Variants in RBPMS2 observed in about 807,000 individuals in gnomAD.
The protein encoded by RBPMS2 is RNA-binding protein with multiple splicing 2.
A neutral mutation model predicts 25.7 loss-of-function variants in RBPMS2; 14 were observed. The observed-to-expected ratio is 0.55, with a 90% CI of 0.36 to 0.85. The LOEUF is 0.85. Among genes scored for constraint, RBPMS2 ranks in the 40% least tolerant of loss-of-function variants. RBPMS2 has a pLI of 0.01. For synonymous variants in RBPMS2, 127 were observed against 115.6 expected (o/e 1.10, Z -0.63); for missense variants, 252 against 283.4 (o/e 0.89, Z 0.80).
intron 2 of RBPMS2, 25 bp downstream of exon 2, chr15:64,751,536 A>AG: frequency 6.2e-7 from 1 of 1,604,406 alleles, no homozygotes; most frequent in Non-Finnish European, 8.5e-7. Context: ...GGCTCTACCC[A>AG]GGGGGCGGCT....
At chr15:64,757,022 G>C (rs900965049) in intron 1 of RBPMS2, among the ~76,000 whole-genome samples, 7 of 139,114 alleles carry the variant, frequency 5.0e-5, no homozygotes, top group African/African-American at 1.6e-4. Context: ...TCCCAGGCTA[G>C]AGTGCAGTGG....
intron 1 of RBPMS2, among the ~76,000 whole-genome samples, chr15:64,758,685 C>G (rs138574108): frequency 0.013 from 1,919 of 152,058 alleles, 30 homozygotes; most frequent in African/African-American, 0.045. Flanking sequence ...GCTTTGGAGG[C>G]ACCCAGAGCT....
At chr15:64,766,980 C>T (rs1053118198) in intron 1 of RBPMS2, among the ~76,000 whole-genome samples, 1 of 152,172 alleles carries the variant, frequency 6.6e-6, no homozygotes, top group Non-Finnish European at 1.5e-5. Context: ...GATGGGGTTT[C>T]ACCACATTGC....
At position 64,740,681 on chromosome 15, in the gene RBPMS2, C is replaced by T. The variant is rs991444024; in HGVS notation, c.*327G>A. ...TGCAAAATTAAACACCTCACTTCCT[C>T]GAGGGGGAGCTACAGAAGCAAGTTT... On this transcript the variant is annotated 3_prime_UTR_variant, in exon 8 of 8. Coordinates refer to ENST00000300069, the MANE Select transcript of RBPMS2 (RefSeq NM_194272.3). 1.9e-5 allele frequency: 3 copies of T among 158,508 alleles called. No homozygotes were observed. Among genetic ancestry groups the T allele is most frequent in the Non-Finnish European group, 2.8e-5 (2 of 71,360 alleles). The allele number at this position is 158,508 out of a possible 1,614,324, so 9.8% of individuals were successfully genotyped here. A position where few individuals can be genotyped will look rare whatever the true frequency, so the allele number is the denominator to read the frequency against.
chr15:64,751,284 G>A (rs866060272), intron 2 of RBPMS2, among the ~76,000 whole-genome samples: 57 of 149,896 alleles, frequency 3.8e-4, no homozygotes, highest in African/African-American at 1.3e-3. Context: ...AGTGAGCCGA[G>A]ATCAAGCCAC....
At chr15:64,761,996 C>G (rs557899173) in intron 1 of RBPMS2, among the ~76,000 whole-genome samples, 1 of 152,104 alleles carries the variant, frequency 6.6e-6, no homozygotes, top group East Asian at 1.9e-4. Context: ...AAGCATGAGC[C>G]ACTGTGCCCA....
chr15:64,774,766 G>T (rs1054119538), intron 1 of RBPMS2, among the ~76,000 whole-genome samples: 1 of 106,974 alleles, frequency 9.3e-6, no homozygotes, highest in Non-Finnish European at 2.1e-5. Flanking sequence ...GTCACGGGGA[G>T]GGGGTCAGGG....
chr15:64,741,950 G>A (rs2083566237), intron 6 of RBPMS2, among the ~76,000 whole-genome samples: 1 of 152,192 alleles, frequency 6.6e-6, no homozygotes, highest in Non-Finnish European at 1.5e-5. Flanking sequence ...CGGACCACCT[G>A]AGGTTCAGAG....
chr15:64,756,381 G>A (rs2083731271), intron 1 of RBPMS2, among the ~76,000 whole-genome samples: 1 of 152,002 alleles, frequency 6.6e-6, no homozygotes, highest in Non-Finnish European at 1.5e-5. Context: ...TGGGTGTGGT[G>A]GCGCACACCT....
intron 6 of RBPMS2, among the ~76,000 whole-genome samples, chr15:64,744,793 GTTTTGTTTTTTTTTTTTTTTTTTTT>G (rs2083600968): frequency 3.5e-5 from 2 of 57,796 alleles, no homozygotes; most frequent in African/African-American, 1.7e-4. Context: ...TTTTTGGTTT[GTTTTGTTTTTTTTTTTTTTTTTTTT>G]TTTTTTTTTT....
At chr15:64,769,361 T>G (rs987097861) in intron 1 of RBPMS2, among the ~76,000 whole-genome samples, 10 of 148,198 alleles carry the variant, frequency 6.7e-5, no homozygotes, top group Non-Finnish European at 1.3e-4. Context: ...GAGGTGGAGG[T>G]TGCGGTGAGC....
chr15:64,742,553 C>T (rs1010992242), intron 6 of RBPMS2, among the ~76,000 whole-genome samples: 4 of 152,200 alleles, frequency 2.6e-5, no homozygotes, highest in South Asian at 4.1e-4. Context: ...CTGCCAAGAC[C>T]GCAGGGAAGG....
intron 1 of RBPMS2, 138 bp from the exon 2 acceptor site, chr15:64,751,776 C>CA (rs2141061823): frequency 1.6e-6 from 1 of 637,876 alleles, no homozygotes; most frequent in Admixed American, 2.7e-5. Flanking sequence ...CTTGGATACC[C>CA]AAGGCAAATT....
intron 6 of RBPMS2, among the ~76,000 whole-genome samples, chr15:64,742,828 A>C (rs2083575443): frequency 6.6e-6 from 1 of 152,112 alleles, no homozygotes. Context: ...GGCTGCTGGG[A>C]ACTCCTGCTT....
In RBPMS2 at chr15:64,775,324, C is replaced by A; in HGVS notation, c.-5G>T. The stretch of plus-strand genomic sequence containing the variant: ...GTCCGGCTTCAGGTTGCTCATGGTG[C>A]GGGGGAGGGGGCGGCGGGAAGGAAC... On this transcript the variant is annotated 5_prime_UTR_variant, in exon 1 of 8. Coordinates refer to ENST00000300069, the MANE Select transcript of RBPMS2 (RefSeq NM_194272.3). The A allele has an allele frequency of 3.1e-6, 4 of 1,292,334 alleles. No individual in the cohort carries two copies. Among genetic ancestry groups the A allele is most frequent in the Non-Finnish European group, 2.0e-6 (2 of 1,013,952 alleles). 80.1% of individuals were successfully genotyped at this position (1,292,334 alleles called of 1,614,324 possible). A position where few individuals can be genotyped will look rare whatever the true frequency, so the allele number is the denominator to read the frequency against.
intron 6 of RBPMS2, among the ~76,000 whole-genome samples, chr15:64,745,748 A>C (rs1244291194): frequency 2.0e-5 from 3 of 152,324 alleles, no homozygotes; most frequent in African/African-American, 4.8e-5. Context: ...AGGTAGCCTC[A>C]TGCCAAGACA....
At chr15:64,757,113 T>C (rs958294833) in intron 1 of RBPMS2, among the ~76,000 whole-genome samples, 2 of 151,806 alleles carry the variant, frequency 1.3e-5, no homozygotes, top group South Asian at 2.1e-4. Flanking sequence ...TCTGGGACTA[T>C]AGGTGTGCAC....
At chr15:64,764,759 TA>T (rs112893246) in intron 1 of RBPMS2, among the ~76,000 whole-genome samples, 1 of 133,106 alleles carries the variant, frequency 7.5e-6, no homozygotes, top group Non-Finnish European at 1.6e-5. Context: ...ACTAAAAAAG[TA>T]AAAAAAAATT....
intron 1 of RBPMS2, among the ~76,000 whole-genome samples, chr15:64,771,211 T>C (rs1287973796): frequency 6.6e-6 from 1 of 152,236 alleles, no homozygotes; most frequent in East Asian, 1.9e-4. Flanking sequence ...ACACTAAATA[T>C]ACACCTTTAT....
Sources: allele counts gnomAD v4.1 joint callset (sites outside exome capture counted in the v4.1 genomes callset), GRCh38; gene constraint gnomAD v4.1.1; transcripts MANE v1.5; gene names NCBI Gene and HGNC (gene_info 2026-07-23, HGNC 2026-07-21).